AK4: variants seen among roughly 807,000 people sequenced by gnomAD.
The protein encoded by AK4 is adenylate kinase 4.
Under a neutral mutation model 24.6 loss-of-function variants are expected in AK4, and 13 were observed. The ratio of observed to expected loss-of-function variants is 0.53; its 90% CI spans 0.34 to 0.84. The LOEUF (loss-of-function observed/expected upper bound fraction) is 0.84, where lower values mean the gene tolerates loss of function less well. Ranked by LOEUF, AK4 falls within the 40% of genes least tolerant of loss-of-function variation. The probability of loss-of-function intolerance (pLI) is 0.01; values close to 1 mark genes in which losing one functional copy is unlikely to be tolerated. For missense variants in AK4, 192 were observed against 288.2 expected, an observed-to-expected ratio of 0.67 and a Z score of 2.42; for synonymous variants, 88 against 107.0, an observed-to-expected ratio of 0.82 and a Z score of 1.10.
At chr1:65,222,204 A>G (rs1158502172) in intron 3 of AK4, among the ~76,000 whole-genome samples, 1 of 152,128 alleles carries the variant, frequency 6.6e-6, no homozygotes, top group Non-Finnish European at 1.5e-5. Context: ...TTATTATACA[A>G]ATGAACTCTC....
At chr1:65,155,189 C>G (rs1016735313) in intron 1 of AK4, among the ~76,000 whole-genome samples, 1 of 152,072 alleles carries the variant, frequency 6.6e-6, no homozygotes, top group Non-Finnish European at 1.5e-5. Flanking sequence ...CAAATATTCA[C>G]TCAAGTTCTT....
At chr1:65,195,387 A>G (rs1389879366) in intron 2 of AK4, among the ~76,000 whole-genome samples, 5 of 152,206 alleles carry the variant, frequency 3.3e-5, no homozygotes, top group Non-Finnish European at 7.3e-5. Flanking sequence ...GGTATTCATC[A>G]TGACTGATAA....
intron 1 of AK4, among the ~76,000 whole-genome samples, chr1:65,184,518 T>C (rs1026307040): frequency 3.3e-5 from 5 of 152,222 alleles, no homozygotes; most frequent in Admixed American, 1.3e-4. Flanking sequence ...TCCTAGTGTT[T>C]TCTGAATTAT....
intron 1 of AK4, among the ~76,000 whole-genome samples, chr1:65,178,059 T>C (rs1220145294): frequency 6.6e-6 from 1 of 151,962 alleles, no homozygotes; most frequent in Non-Finnish European, 1.5e-5. Context: ...AAGTAAGGTA[T>C]GGTAAAGGGT....
rs537494732 is a variant in AK4, at chr1:65,218,704, TG to T, written c.266-48del. 4.5e-5 allele frequency: 67 copies of T among 1,497,694 alleles called. No homozygotes were observed. In the East Asian group the frequency reaches 1.1e-3, roughly 24 times the overall value. 92.8% of individuals were successfully genotyped at this position (1,497,694 alleles called of 1,614,324 possible). Reference sequence around the variant, plus strand: ...CACTGAAAATGTTTCAAGAACTAATTGGAACTGGGCAATAGCTTGCATTTCA... The same window carrying T: ...CACTGAAAATGTTTCAAGAACTAATTGAACTGGGCAATAGCTTGCATTTCA... On this transcript the variant is annotated intron_variant, in intron 2 of 4. Coordinates refer to ENST00000327299, the MANE Select transcript of AK4 (RefSeq NM_013410.4).
chr1:65,169,702 T>C (rs914743406), intron 1 of AK4, among the ~76,000 whole-genome samples: 10 of 152,132 alleles, frequency 6.6e-5, no homozygotes, highest in Non-Finnish European at 1.5e-4. Context: ...TACCAAAATT[T>C]CAAATAAATT....
chr1:65,230,548 C>T lies in AK4; in HGVS notation c.*4371C>T, dbSNP rs1319620163. The T allele has an allele frequency of 6.6e-6, 1 of 152,102 alleles. No individual in the cohort carries two copies. The highest frequency in any genetic ancestry group is 1.5e-5 in the Non-Finnish European group (1 of 68,022). The allele number at this position is 152,102 out of a possible 1,614,324, so 9.4% of individuals were successfully genotyped here. A position where few individuals can be genotyped will look rare whatever the true frequency, so the allele number is the denominator to read the frequency against. ...CATTACATGCATTGGCTAATCAAAT[C>T]CTCATCAATTACATATGTAATAATC... On this transcript the variant is annotated 3_prime_UTR_variant, in exon 5 of 5. Coordinates refer to ENST00000327299, the MANE Select transcript of AK4 (RefSeq NM_013410.4).
rs747654942 is a variant in AK4, at chr1:65,226,037, A to G, written c.558-26A>G. 1.2e-5 allele frequency: 19 copies of G among 1,609,920 alleles called. 1 individual carries two copies. The highest frequency in any genetic ancestry group is 6.6e-5 in the South Asian group (6 of 90,680). ...ACGTGGAAAAGAAACCTAAAAAGCC[A>G]TTGTATGTTGGGCTTTGTTTTTCAG... is the stretch of plus-strand genomic sequence containing the variant. On this transcript the variant is annotated intron_variant, in intron 4 of 4. Transcript: ENST00000327299.
At chr1:65,179,678 A>G (rs1650834639) in intron 1 of AK4, among the ~76,000 whole-genome samples, 1 of 152,012 alleles carries the variant, frequency 6.6e-6, no homozygotes, top group Non-Finnish European at 1.5e-5. Flanking sequence ...CATCTCTACA[A>G]AGAAAAATTA....
chr1:65,198,968 C>A (rs191701057), intron 2 of AK4, among the ~76,000 whole-genome samples: 4 of 151,568 alleles, frequency 2.6e-5, no homozygotes, highest in East Asian at 2.0e-4. Context: ...ATACTCACAG[C>A]TTGTCAGAGG....
chr1:65,171,238 G>A lies in AK4; in HGVS notation c.146-19472G>A, dbSNP rs1275154979. Among the ~76,000 whole-genome samples the A allele has an allele frequency of 2.1e-5, 3 of 145,814 alleles. No homozygotes were observed. In the East Asian group the frequency reaches 6.0e-4, roughly 29 times the overall value. ...AACCTCCCAAAGTGCTGGGATTACA[G>A]GCATAATTATAGGCCTTTTTTTTTT... On this transcript the variant is annotated intron_variant, in intron 1 of 4. Coordinates refer to ENST00000327299, the MANE Select transcript of AK4 (RefSeq NM_013410.4).
At chr1:65,202,213 C>T (rs980166085) in intron 2 of AK4, among the ~76,000 whole-genome samples, 4 of 129,400 alleles carry the variant, frequency 3.1e-5, no homozygotes, top group Admixed American at 8.7e-5. Flanking sequence ...CTGGCTAACA[C>T]GGTGAGACCC....
chr1:65,176,938 A>C (rs1456470529), intron 1 of AK4, among the ~76,000 whole-genome samples: 1 of 152,226 alleles, frequency 6.6e-6, no homozygotes, highest in Non-Finnish European at 1.5e-5. Flanking sequence ...TCAGGAAATA[A>C]ATCACATTAC....
intron 1 of AK4, among the ~76,000 whole-genome samples, chr1:65,152,368 A>C (rs1391825567): frequency 0.033 from 1,945 of 58,376 alleles, 76 homozygotes; most frequent in African/African-American, 0.089. Context: ...CTCTATATAT[A>C]TATATATATA....
chr1:65,207,484 G>T (rs140427397), intron 2 of AK4, among the ~76,000 whole-genome samples: 373 of 152,184 alleles, frequency 2.5e-3, no homozygotes, highest in Non-Finnish European at 4.0e-3. Context: ...ACTGTGGGGA[G>T]TGTGGGGCTC....
At chr1:65,217,889 G>A (rs10889529) in intron 2 of AK4, among the ~76,000 whole-genome samples, 42,283 of 152,014 alleles carry the variant, frequency 0.28, 6,745 homozygotes, top group East Asian at 0.69. Context: ...GCTTTATCGC[G>A]GTATACTTGA....
At chr1:65,206,034 A>C (rs1651799280) in intron 2 of AK4, among the ~76,000 whole-genome samples, 1 of 152,174 alleles carries the variant, frequency 6.6e-6, no homozygotes, top group South Asian at 2.1e-4. Context: ...ATCCCTACAC[A>C]GATAACCCTT....
intron 2 of AK4, among the ~76,000 whole-genome samples, chr1:65,195,200 C>G (rs1387981957): frequency 6.6e-6 from 1 of 152,116 alleles, no homozygotes; most frequent in Non-Finnish European, 1.5e-5. Flanking sequence ...ACGCTTTTAT[C>G]AGGAGCCCAC....
At position 65,170,363 on chromosome 1, in the gene AK4, G is replaced by A. The variant is rs1030858104; in HGVS notation, c.146-20347G>A. ...AGTCTGGGTGACAGAGCGAGACTCC[G>A]TCTCACACACACACACACACACACA... On this transcript the variant is annotated intron_variant, in intron 1 of 4. Transcript: ENST00000327299. Among the ~76,000 whole-genome samples, 4 of 151,624 alleles carry A rather than the reference G, an allele frequency of 2.6e-5. No homozygotes were observed. In the South Asian group the frequency reaches 6.3e-4, roughly 24 times the overall value.
Sources: allele counts gnomAD v4.1 joint callset (sites outside exome capture counted in the v4.1 genomes callset), GRCh38; gene constraint gnomAD v4.1.1; transcripts MANE v1.5; gene names NCBI Gene and HGNC (gene_info 2026-07-23, HGNC 2026-07-21).